Variants in SCGB2B2 observed in about 807,000 individuals in gnomAD.
SCGB2B2 encodes secretoglobin-like protein.
SCGB2B2 carries 11 observed loss-of-function variants against 7.6 expected under a neutral mutation model. That is an observed-to-expected ratio of 1.45 (90% CI 0.91 to 2.40). The LOEUF is 2.40. Ranked by LOEUF, SCGB2B2 falls within the 30% of genes most tolerant of loss-of-function variation. The probability of loss-of-function intolerance (pLI) is 0.00; values close to 1 mark genes in which losing one functional copy is unlikely to be tolerated. For missense variants in SCGB2B2, 104 were observed against 115.4 expected (o/e 0.90, Z 0.45); for synonymous variants, 50 against 48.6 (o/e 1.03, Z -0.12).
Position 34,593,369 on chromosome 19 carries a change from C to T in SCGB2B2, c.*186G>A. ...GAGTTTTTCCTCAGTCGCATATTTT[C>T]ACACTGGGACCCTGGTCACACTCTG... On this transcript the variant is annotated 3_prime_UTR_variant, in exon 4 of 4. Coordinates refer to ENST00000601241, the MANE Select transcript of SCGB2B2 (RefSeq NM_001025591.4). The T allele has an allele frequency of 1.8e-6, 1 of 543,422 alleles. No individual in the cohort carries two copies. Among genetic ancestry groups the T allele is most frequent in the Middle Eastern group, 4.9e-4 (1 of 2,036 alleles). The allele number at this position is 543,422 out of a possible 1,614,324, so 33.7% of individuals were successfully genotyped here. A position where few individuals can be genotyped will look rare whatever the true frequency, so the allele number is the denominator to read the frequency against.
At chr19:34,615,889 C>A (rs1375069784) in intron 1 of SCGB2B2, among the ~76,000 whole-genome samples, 2 of 145,506 alleles carry the variant, frequency 1.4e-5, no homozygotes, top group African/African-American at 5.1e-5. Flanking sequence ...CTTCCTGTGT[C>A]CATGTGTTCT....
intron 1 of SCGB2B2, among the ~76,000 whole-genome samples, chr19:34,639,806 C>T (rs11084777): frequency 0.52 from 79,413 of 151,946 alleles, 21,485 homozygotes; most frequent in African/African-American, 0.64. Flanking sequence ...TTTTGAATAG[C>T]TTCCTCTGAC....
At chr19:34,605,945 C>G (rs2065764399) in intron 1 of SCGB2B2, among the ~76,000 whole-genome samples, 1 of 151,954 alleles carries the variant, frequency 6.6e-6, no homozygotes, top group Non-Finnish European at 1.5e-5. Flanking sequence ...TTCATTTTTT[C>G]AGATGTTTTA....
intron 1 of SCGB2B2, among the ~76,000 whole-genome samples, chr19:34,639,602 G>T (rs900657302): frequency 9.2e-5 from 14 of 152,264 alleles, no homozygotes; most frequent in African/African-American, 1.4e-4. Flanking sequence ...GGACCACAAA[G>T]AATTTTCCCA....
chr19:34,595,194 T>G lies in SCGB2B2; in HGVS notation c.-631A>C, dbSNP rs1324794476. ...TGGGGACCAGCCTCAACACTACCCG[T>G]AGGGTACCCGAAGTCTGGTGGTGAC... On this transcript the variant is annotated 5_prime_UTR_variant, in exon 2 of 4. Transcript: ENST00000601241. 4 of 152,548 alleles carry G rather than the reference T, an allele frequency of 2.6e-5. No homozygotes were observed. The highest frequency in any genetic ancestry group is 9.7e-5 in the African/African-American group (4 of 41,434). 9.4% of individuals were successfully genotyped at this position (152,548 alleles called of 1,614,324 possible). A position where few individuals can be genotyped will look rare whatever the true frequency, so the allele number is the denominator to read the frequency against.
chr19:34,668,916 A>T (rs1568444530), intron 1 of SCGB2B2, among the ~76,000 whole-genome samples: 2 of 152,184 alleles, frequency 1.3e-5, no homozygotes, highest in East Asian at 3.9e-4. Flanking sequence ...GCCAGATAAG[A>T]GAGTAAAAGC....
chr19:34,605,340 C>T (rs1009916079), intron 1 of SCGB2B2, among the ~76,000 whole-genome samples: 2 of 152,174 alleles, frequency 1.3e-5, no homozygotes, highest in Non-Finnish European at 2.9e-5. Context: ...GTCATAGGCA[C>T]TTCCACTACA....
intron 1 of SCGB2B2, among the ~76,000 whole-genome samples, chr19:34,613,906 G>C (rs1266823701): frequency 6.6e-6 from 1 of 152,116 alleles, no homozygotes; most frequent in Non-Finnish European, 1.5e-5. Flanking sequence ...TAGTATTCTT[G>C]CTGGACAAGT....
chr19:34,668,524 A>G (rs2067704077), intron 1 of SCGB2B2, among the ~76,000 whole-genome samples: 2 of 152,104 alleles, frequency 1.3e-5, no homozygotes, highest in Non-Finnish European at 2.9e-5. Context: ...AGGGCTGAGG[A>G]GTGCTGGTGC....
At chr19:34,667,766 G>A (rs1396075319) in intron 1 of SCGB2B2, among the ~76,000 whole-genome samples, 1 of 152,130 alleles carries the variant, frequency 6.6e-6, no homozygotes, top group Non-Finnish European at 1.5e-5. Flanking sequence ...GTAACGGGAA[G>A]GTGGGATGGG....
intron 1 of SCGB2B2, among the ~76,000 whole-genome samples, chr19:34,622,060 T>G (rs577539675): frequency 6.6e-6 from 1 of 152,308 alleles, no homozygotes; most frequent in South Asian, 2.1e-4. Context: ...GTGGGTTATA[T>G]ACAGTTAAGT....
Position 34,676,468 on chromosome 19 carries a change from G to A in SCGB2B2, c.-2870C>T, listed in dbSNP as rs2067952815. ...CCCACCTCTTTCCTGGAAAACTCAT[G>A]AATAATCCACCCTTGTTTAGCACAT... On this transcript the variant is annotated 5_prime_UTR_variant, in exon 1 of 4. Transcript: ENST00000601241. The A allele has an allele frequency of 6.6e-6, 1 of 152,170 alleles. No individual in the cohort carries two copies. The highest frequency in any genetic ancestry group is 2.4e-5 in the African/African-American group (1 of 41,430). The allele number at this position is 152,170 out of a possible 1,614,324, so 9.4% of individuals were successfully genotyped here. A position where few individuals can be genotyped will look rare whatever the true frequency, so the allele number is the denominator to read the frequency against.
intron 1 of SCGB2B2, among the ~76,000 whole-genome samples, chr19:34,656,735 A>T (rs10416893): frequency 0.41 from 61,321 of 151,078 alleles, 13,953 homozygotes; most frequent in Middle Eastern, 0.6. Context: ...TATCCTTTAG[A>T]ATCTGAACGA....
chr19:34,588,242 T>C (rs1371721810), downstream of SCGB2B2, among the ~76,000 whole-genome samples: 1 of 152,252 alleles, frequency 6.6e-6, no homozygotes, highest in African/African-American at 2.4e-5. Flanking sequence ...TTCTTTTCAG[T>C]TCAATCTTGG....
chr19:34,644,956 T>G (rs562838792), intron 1 of SCGB2B2, among the ~76,000 whole-genome samples: 5 of 152,196 alleles, frequency 3.3e-5, no homozygotes, highest in African/African-American at 1.2e-4. Context: ...GAGGTGGGAA[T>G]TGCTGTCAGT....
At chr19:34,601,770 T>C (rs1398025706) in intron 1 of SCGB2B2, among the ~76,000 whole-genome samples, 1 of 152,210 alleles carries the variant, frequency 6.6e-6, no homozygotes, top group East Asian at 1.9e-4. Flanking sequence ...TTTATTCCTC[T>C]TCAATCCTCA....
At chr19:34,611,085 G>A (rs769440320) in intron 1 of SCGB2B2, among the ~76,000 whole-genome samples, 1 of 151,968 alleles carries the variant, frequency 6.6e-6, no homozygotes, top group Admixed American at 6.5e-5. Flanking sequence ...ATATTTTCTG[G>A]TTGGTTTTCT....
At chr19:34,612,194 A>T (rs1055423018) in intron 1 of SCGB2B2, among the ~76,000 whole-genome samples, 1 of 151,032 alleles carries the variant, frequency 6.6e-6, no homozygotes, top group Admixed American at 6.6e-5. Flanking sequence ...ATGCACCACC[A>T]CACCTGGCTA....
chr19:34,621,553 A>AG (rs2066243066), intron 1 of SCGB2B2, among the ~76,000 whole-genome samples: 1 of 121,446 alleles, frequency 8.2e-6, no homozygotes, highest in African/African-American at 2.6e-5. Flanking sequence ...TAGTCAACTG[A>AG]GAAAAAAAAA....
Sources: allele counts gnomAD v4.1 joint callset (sites outside exome capture counted in the v4.1 genomes callset), GRCh38; gene constraint gnomAD v4.1.1; transcripts MANE v1.5; gene names NCBI Gene and HGNC (gene_info 2026-07-23, HGNC 2026-07-21).